Variants in KBTBD4 observed in about 807,000 individuals in gnomAD.
KBTBD4 encodes the protein kelch repeat and BTB domain-containing protein 4.
In KBTBD4, 30 loss-of-function variants were observed where a neutral mutation model predicts 43.9. That is an observed-to-expected ratio of 0.68 (90% confidence interval 0.51 to 0.93). The LOEUF (loss-of-function observed/expected upper bound fraction) is 0.93. Among genes scored for constraint, KBTBD4 ranks in the 40% least tolerant of loss-of-function variants. The pLI, the probability that KBTBD4 is intolerant of heterozygous loss-of-function variation, is 0.00. For missense variants in KBTBD4, 575 were observed against 668.8 expected (o/e 0.86, Z 1.55); for synonymous variants, 258 against 256.9 (o/e 1.00, Z -0.04).
In KBTBD4 at chr11:47,575,707, A is replaced by C; in HGVS notation, c.638-8T>G. On this transcript the variant is annotated splice_polypyrimidine_tract_variant and splice_region_variant and intron_variant, in intron 2 of 3. Coordinates refer to ENST00000430070, the MANE Select transcript of KBTBD4 (RefSeq NM_018095.6). The stretch of plus-strand genomic sequence containing the variant: ...GAGAACACGGAACTCCATCTGTGAG[A>C]GCCAGAGGAAAGGCATGGTCAATGA... 1.9e-6 allele frequency: 3 copies of C among 1,564,852 alleles called. No homozygotes were observed. The highest frequency in any genetic ancestry group is 2.6e-6 in the Non-Finnish European group (3 of 1,143,016).
rs1331387388 is a variant in KBTBD4 at position 47,572,848 on chromosome 11, ACT to A, written c.*80_*81del. On this transcript the variant is annotated 3_prime_UTR_variant, in exon 4 of 4. Coordinates refer to ENST00000430070, the MANE Select transcript of KBTBD4 (RefSeq NM_018095.6). ...TCTAGTATGTGCCAAAAAAAACATA[ACT>A]CTGAATTGGGGCCCAGGGGACTTTG... 8 of 1,457,538 alleles carry A rather than the reference ACT, an allele frequency of 5.5e-6. No individual in the cohort carries two copies. Among genetic ancestry groups the A allele is most frequent in the African/African-American group, 4.2e-5 (3 of 70,626 alleles). 90.3% of individuals were successfully genotyped at this position (1,457,538 alleles called of 1,614,324 possible). A position where few individuals can be genotyped will look rare whatever the true frequency, so the allele number is the denominator to read the frequency against.
In KBTBD4 at chr11:47,573,330, T is replaced by TC. The variant is rs756343868; in HGVS notation, c.1204dup (p.Glu402GlyfsTer4). ...GGTAAAGAAGTCCAGATCATTCTCC[T>TC]CCCCCCCTAGTAAGTAGATGATCCC... On this transcript the variant is annotated frameshift_variant, in exon 4 of 4. Coordinates refer to ENST00000430070, the MANE Select transcript of KBTBD4 (RefSeq NM_018095.6). LOFTEE classifies it high-confidence loss of function. The surrounding 1 kb of genome is among the most constrained non-coding windows in gnomAD (Gnocchi z 4.1). 2.9e-5 allele frequency: 46 copies of TC among 1,613,654 alleles called. No individual in the cohort carries two copies. Among genetic ancestry groups the TC allele is most frequent in the Non-Finnish European group, 3.8e-5 (45 of 1,179,972 alleles).
At position 47,578,036 on chromosome 11, in the gene KBTBD4, G is replaced by A; in HGVS notation, c.20-8C>T. The stretch of plus-strand genomic sequence containing the variant: ...TCTCTCTCTGCCAGCTGTCTGCAAA[G>A]CAACACCATCTTGAGTAACCTGAGG... On this transcript the variant is annotated splice_polypyrimidine_tract_variant and splice_region_variant and intron_variant, in intron 1 of 3. Coordinates refer to ENST00000430070, the MANE Select transcript of KBTBD4 (RefSeq NM_018095.6). The A allele has an allele frequency of 1.9e-6, 3 of 1,613,836 alleles. No individual in the cohort carries two copies. Among genetic ancestry groups the A allele is most frequent in the Non-Finnish European group, 2.5e-6 (3 of 1,179,962 alleles).
chr11:47,575,204 C>T lies in KBTBD4; in HGVS notation c.744+389G>A, dbSNP rs61223380. ...CAGCCTGGGCAACAAAGTGAGAATC[C>T]GTCTTAAAAAAAAAAAAAAAAAGGC... is the stretch of plus-strand genomic sequence containing the variant. On this transcript the variant is annotated intron_variant, in intron 3 of 3. Transcript: ENST00000430070. 0.017 allele frequency among the ~76,000 whole-genome samples: 2,398 copies of T among 144,022 alleles called. 163 individuals carry two copies. The East Asian group carries it at 0.19, about 11-fold the overall frequency. 94.5% of individuals were successfully genotyped at this position (144,022 alleles called of 152,430 possible).
chr11:47,577,294 G>T (rs1415270481), intron 2 of KBTBD4, 117 bp downstream of exon 2: 7 of 1,015,988 alleles, frequency 6.9e-6, no homozygotes, highest in Middle Eastern at 2.5e-4. Flanking sequence ...AAGAATGCAG[G>T]AATAATAATG....
At chr11:47,575,510 A>G in intron 3 of KBTBD4, 83 bp downstream of exon 3, 2 of 902,198 alleles carry the variant, frequency 2.2e-6, no homozygotes, top group East Asian at 2.6e-5. Context: ...CCATCTCAAA[A>G]AAAAAAAAAA....
At chr11:47,574,923 G>T (rs2097256383) in intron 3 of KBTBD4, among the ~76,000 whole-genome samples, 2 of 151,612 alleles carry the variant, frequency 1.3e-5, no homozygotes, top group Admixed American at 6.6e-5. Flanking sequence ...CACACAAAGA[G>T]GCCAGGTTAG....
intron 2 of KBTBD4, 25 bp from the exon 3 acceptor site, chr11:47,575,724 G>C: frequency 2.8e-6 from 4 of 1,419,804 alleles, no homozygotes; most frequent in Non-Finnish European, 3.9e-6. Flanking sequence ...GGAAAGGCAT[G>C]GTCAATGACA....
In KBTBD4 at chr11:47,573,190, A is replaced by T. The variant is rs1417523630; in HGVS notation, c.1345T>A (p.Phe449Ile). ...AGGGAGTCCCCTTCAGCCACGATGAACACCAGATCTTTATGCACAGCTGCG... is the reference window on the plus strand; with the variant it reads ...AGGGAGTCCCCTTCAGCCACGATGATCACCAGATCTTTATGCACAGCTGCG... ...MHAAVHKDLV[F>I]IVAEGDSLVC... Residue 449 changes from phenylalanine to isoleucine, a missense_variant, in exon 4 of 4, where the codon TTC becomes ATC. By Grantham distance (21) the Phe-to-Ile change is conservative. Coordinates refer to ENST00000430070, the MANE Select transcript of KBTBD4 (RefSeq NM_018095.6). This position sits in a 1 kb window ranked among gnomAD's most constrained non-coding sequence, Gnocchi z 4.1. 6.2e-7 allele frequency: 1 copy of T among 1,614,054 alleles called. No homozygotes were observed. Among genetic ancestry groups the T allele is most frequent in the Non-Finnish European group, 8.5e-7 (1 of 1,180,030 alleles).
At chr11:47,578,562 T>G in intron 1 of KBTBD4, 1 of 700,444 alleles carries the variant, frequency 1.4e-6, no homozygotes, top group East Asian at 2.7e-5. Context: ...TCTGAGCTGC[T>G]TCCCCCACAC....
At chr11:47,578,689 A>G in intron 1 of KBTBD4, 12 of 1,115,966 alleles carry the variant, frequency 1.1e-5, no homozygotes, top group Non-Finnish European at 1.5e-5. Context: ...CTCCACCTTG[A>G]GTCGTCTTGG....
rs749395550 is a variant in KBTBD4, at chr11:47,577,557, A to G, written c.491T>C (p.Leu164Pro). The G allele has an allele frequency of 6.2e-7, 1 of 1,614,176 alleles. No homozygotes were observed. Among genetic ancestry groups the G allele is most frequent in the South Asian group, 1.1e-5 (1 of 91,088 alleles). ...LARTVQVGNCLQVMWLADRHS... is the reference protein window; with the variant it reads ...LARTVQVGNCPQVMWLADRHS... Reference sequence around the variant, plus strand: ...CCGATCTGCCAGCCACATCACCTGAAGGCAGTTTCCCACTTGCACTGTGCG... The same window carrying G: ...CCGATCTGCCAGCCACATCACCTGAGGGCAGTTTCCCACTTGCACTGTGCG... The change falls in exon 2 of 4, where the codon CTT (leucine) becomes CCT (proline). Residue 164 changes from leucine to proline, a missense_variant. Coordinates refer to ENST00000430070, the MANE Select transcript of KBTBD4 (RefSeq NM_018095.6).
Position 47,577,715 on chromosome 11 carries a change from A to G in KBTBD4, c.333T>C (p.Val111=), listed in dbSNP as rs1325352881. ...VIVLQDVSES[V]FQLLVDYIYH... The stretch of plus-strand genomic sequence containing the variant: ...AGATATAATCAACCAGGAGCTGGAA[A>G]ACAGACTCGCTGACATCCTGCAGCA... The change falls in exon 2 of 4, where the codon GTT becomes GTC. Residue 111 remains valine, a synonymous_variant. Coordinates refer to ENST00000430070, the MANE Select transcript of KBTBD4 (RefSeq NM_018095.6). The G allele has an allele frequency of 6.2e-7, 1 of 1,614,072 alleles. No individual in the cohort carries two copies. Among genetic ancestry groups the G allele is most frequent in the East Asian group, 2.2e-5 (1 of 44,892 alleles).
rs140978536 is a variant in KBTBD4 at position 47,575,667 on chromosome 11, C to T, written c.670G>A (p.Ala224Thr). ...GVPCSQNPTE[A>T]IEAWINFNKE... The stretch of plus-strand genomic sequence containing the variant: ...TTAAAGTTGATCCAGGCTTCTATTG[C>T]CTCTGTTGGGTTCTGAGAACACGGA... Residue 224 changes from alanine (A) to threonine (T), a missense_variant, in exon 3 of 4, where the codon GCA becomes ACA. Ala to Thr is a moderately conservative substitution (Grantham distance 58, BLOSUM62 0). Coordinates refer to ENST00000430070, the MANE Select transcript of KBTBD4 (RefSeq NM_018095.6). 1.2e-6 allele frequency: 2 copies of T among 1,613,144 alleles called. No homozygotes were observed. Among genetic ancestry groups the T allele is most frequent in the Non-Finnish European group, 1.7e-6 (2 of 1,179,606 alleles).
At position 47,572,796 on chromosome 11, in the gene KBTBD4, T is replaced by C. The variant is rs2097251522; in HGVS notation, c.*134A>G. ...GCCCCAAACAGAACACCTCCATGGA[T>C]TCAGGGAAGGGCTGAGGCACTGCCT... On this transcript the variant is annotated 3_prime_UTR_variant, in exon 4 of 4. Coordinates refer to ENST00000430070, the MANE Select transcript of KBTBD4 (RefSeq NM_018095.6). The C allele has an allele frequency of 2.2e-6, 2 of 929,554 alleles. No homozygotes were observed. The highest frequency in any genetic ancestry group is 3.2e-6 in the Non-Finnish European group (2 of 626,900). 57.6% of individuals were successfully genotyped at this position (929,554 alleles called of 1,614,324 possible).
chr11:47,577,525 C>A lies in KBTBD4; in HGVS notation c.523G>T (p.Asp175Tyr). Reference protein sequence around the residue: ...QVMWLADRHSDPELYTAAKHC... With the variant: ...QVMWLADRHSYPELYTAAKHC... ...TTGGCAGCCGTATAGAGCTCAGGAT[C>A]ACTGTGCCGATCTGCCAGCCACATC... is the stretch of plus-strand genomic sequence containing the variant. The change falls in exon 2 of 4, where the codon GAT (aspartate) becomes TAT (tyrosine). Residue 175 changes from aspartate to tyrosine, a missense_variant. Physicochemically the swap from Asp to Tyr is radical, Grantham distance 160. Coordinates refer to ENST00000430070, the MANE Select transcript of KBTBD4 (RefSeq NM_018095.6). 2 of 1,614,156 alleles carry A rather than the reference C, an allele frequency of 1.2e-6. No individual in the cohort carries two copies. Among genetic ancestry groups the A allele is most frequent in the Non-Finnish European group, 1.7e-6 (2 of 1,180,024 alleles).
Position 47,572,860 on chromosome 11 carries a change from G to T in KBTBD4, c.*70C>A. On this transcript the variant is annotated 3_prime_UTR_variant, in exon 4 of 4. Transcript: ENST00000430070. ...CAAAAAAAACATAACTCTGAATTGG[G>T]GCCCAGGGGACTTTGAGTTTGTATG... 2 of 1,507,732 alleles carry T rather than the reference G, an allele frequency of 1.3e-6. No homozygotes were observed. Among genetic ancestry groups the T allele is most frequent in the Non-Finnish European group, 1.8e-6 (2 of 1,114,310 alleles). 93.4% of individuals were successfully genotyped at this position (1,507,732 alleles called of 1,614,324 possible).
rs1001981342 is a variant in KBTBD4 at position 47,573,244 on chromosome 11, A to C, written c.1291T>G (p.Tyr431Asp). 6 of 1,614,148 alleles carry C rather than the reference A, an allele frequency of 3.7e-6. No individual in the cohort carries two copies. The highest frequency in any genetic ancestry group is 5.1e-6 in the Non-Finnish European group (6 of 1,180,026). Residue 431 changes from tyrosine (Y) to aspartate (D), a missense_variant, in exon 4 of 4, where the codon TAT (tyrosine) becomes GAT (aspartate). Coordinates refer to ENST00000430070, the MANE Select transcript of KBTBD4 (RefSeq NM_018095.6). This position sits in a 1 kb window ranked among gnomAD's most constrained non-coding sequence, Gnocchi z 4.1. ...TETDKCHVKP[Y>D]VLPFAGRMHA... ...ATGCGGCCTGCAAAGGGCAGCACAT[A>C]GGGCTTCACATGGCATTTGTCTGTC...
Position 47,573,122 on chromosome 11 carries a change from G to A in KBTBD4, c.1413C>T (p.Cys471=), listed in dbSNP as rs1485827376. 6.2e-7 allele frequency: 1 copy of A among 1,614,186 alleles called. No homozygotes were observed. Among genetic ancestry groups the A allele is most frequent in the Admixed American group, 1.7e-5 (1 of 60,026 alleles). ...NPLLDSFTRL[C]LPEAWSSAPS... is the part of the protein sequence containing the mutation. The stretch of plus-strand genomic sequence containing the variant: ...GGGCAGAGCTCCAGGCCTCAGGAAG[G>A]CAAAGCCGGGTGAAGCTGTCTAGCA... Residue 471 remains cysteine (C), a synonymous_variant, in exon 4 of 4, where the codon TGC becomes TGT. Coordinates refer to ENST00000430070, the MANE Select transcript of KBTBD4 (RefSeq NM_018095.6). The surrounding 1 kb of genome is among the most constrained non-coding windows in gnomAD (Gnocchi z 4.1).
Sources: gnomAD v4.1 joint callset for allele counts (sites outside exome capture counted in the v4.1 genomes callset) on GRCh38, gnomAD v4.1.1 for gene constraint, Gnocchi (gnomAD v3.1) non-coding constraint, MANE v1.5 for transcripts, NCBI Gene and HGNC (gene_info 2026-07-23, HGNC 2026-07-21) for gene names.